PPP2R2C: variants seen among roughly 807,000 people sequenced by gnomAD.
The protein encoded by PPP2R2C is protein phosphatase 2, regulatory subunit B, gamma.
A neutral mutation model predicts 45.3 loss-of-function variants in PPP2R2C; 10 were observed. The observed-to-expected ratio is 0.22, with a 90% CI of 0.14 to 0.37. PPP2R2C has a LOEUF of 0.37. PPP2R2C is among the 10% of genes least tolerant of loss of function. PPP2R2C has a pLI of 1.00. For missense variants in PPP2R2C, 308 were observed against 619.7 expected (o/e 0.50, Z 5.34); for synonymous variants, 257 against 245.4 (o/e 1.05, Z -0.44).
intron 5 of PPP2R2C, among the ~76,000 whole-genome samples, chr4:6,357,697 T>C (rs1713335463): frequency 6.6e-6 from 1 of 152,126 alleles, no homozygotes; most frequent in Non-Finnish European, 1.5e-5. Context: ...CGGTCCCCCA[T>C]CCACAGTACA....
intron 1 of PPP2R2C, among the ~76,000 whole-genome samples, chr4:6,385,374 T>C (rs891097510): frequency 1.3e-5 from 2 of 152,152 alleles, no homozygotes; most frequent in African/African-American, 4.8e-5. Context: ...CTCTCTTGAG[T>C]GCCAGAAATT....
At chr4:6,410,481 T>C (rs1010932866) in intron 1 of PPP2R2C, among the ~76,000 whole-genome samples, 2 of 152,112 alleles carry the variant, frequency 1.3e-5, no homozygotes, top group Admixed American at 6.5e-5. Context: ...TAGTGAGGTC[T>C]GGGATTTCAG....
chr4:6,390,517 T>C (rs1716541044), intron 1 of PPP2R2C, among the ~76,000 whole-genome samples: 1 of 152,114 alleles, frequency 6.6e-6, no homozygotes, highest in Non-Finnish European at 1.5e-5. Flanking sequence ...CCCCTCCCCA[T>C]GTCACCCTCC....
intron 7 of PPP2R2C, among the ~76,000 whole-genome samples, chr4:6,333,329 G>C (rs114455105): frequency 0.015 from 2,246 of 152,342 alleles, 50 homozygotes; most frequent in African/African-American, 0.05. Context: ...CTGGGCCCTG[G>C]ACTGCAGGCC....
chr4:6,387,794 C>T lies in PPP2R2C; in HGVS notation c.71-6700G>A, dbSNP rs140422867. 7.9e-3 allele frequency among the ~76,000 whole-genome samples: 1,073 copies of T among 136,064 alleles called. 6 individuals carry two copies. Among genetic ancestry groups the T allele is most frequent in the Non-Finnish European group, 0.011 (723 of 65,608 alleles). The allele number at this position is 136,064 out of a possible 152,430, so 89.3% of individuals were successfully genotyped here. A position where few individuals can be genotyped will look rare whatever the true frequency, so the allele number is the denominator to read the frequency against. ...TTGCACCATTGCACTCCAGCCTGGG[C>T]GACAACAGTGAAGAAAAAAAAAAAA... On this transcript the variant is annotated intron_variant, in intron 1 of 8. Transcript: ENST00000382599.
chr4:6,405,734 C>A (rs1256758360), intron 1 of PPP2R2C, among the ~76,000 whole-genome samples: 1 of 152,150 alleles, frequency 6.6e-6, no homozygotes, highest in Non-Finnish European at 1.5e-5. Flanking sequence ...ATCACGAAAA[C>A]CTCATTTGCA....
Position 6,324,105 on chromosome 4 carries a change from G to T in PPP2R2C, c.1053-512C>A, listed in dbSNP as rs548462269. ...TGCAGACTTTGGGGCCAGGAGCTAA[G>T]ATCCTTTTTATCCTCTGCCCCAATC... On this transcript the variant is annotated intron_variant, in intron 8 of 8. Coordinates refer to ENST00000382599, the MANE Select transcript of PPP2R2C (RefSeq NM_020416.4). The surrounding 1 kb of genome is among the most constrained non-coding windows in gnomAD (Gnocchi z 4.1). Among the ~76,000 whole-genome samples, 36 of 152,220 alleles carry T rather than the reference G, an allele frequency of 2.4e-4. No individual in the cohort carries two copies. The highest frequency in any genetic ancestry group is 8.7e-4 in the African/African-American group (36 of 41,528).
At chr4:6,387,291 C>G in intron 1 of PPP2R2C, among the ~76,000 whole-genome samples, 1 of 151,966 alleles carries the variant, frequency 6.6e-6, no homozygotes, top group East Asian at 1.9e-4. Flanking sequence ...AAAATTATAC[C>G]CAGGTACATC....
rs565246984 is a variant in PPP2R2C at position 6,524,108 on chromosome 4, G to A, written c.49+11163C>T. Among the ~76,000 whole-genome samples, 494 of 151,658 alleles carry A rather than the reference G, an allele frequency of 3.3e-3. 4 individuals are homozygous for A. Among genetic ancestry groups the A allele is most frequent in the South Asian group, 8.6e-3 (41 of 4,774 alleles). On this transcript the variant is annotated intron_variant, in intron 2 of 9. Coordinates refer to the PPP2R2C transcript ENST00000506140. ...TTGTATTTTTTTTTTTTTTAGTAGA[G>A]ACAGGGTTTCACCATGTTGGTCTGG...
rs139738780 is a variant in PPP2R2C at position 6,548,824 on chromosome 4, C to T, written c.-58-13447G>A. Among the ~76,000 whole-genome samples the T allele has an allele frequency of 1.2e-3, 178 of 152,300 alleles. 1 individual carries two copies. The highest frequency in any genetic ancestry group is 3.9e-3 in the South Asian group (19 of 4,826). On this transcript the variant is annotated intron_variant, in intron 1 of 9. Transcript: ENST00000506140. ...ATGCCAAAATCCAGAGGCAGTCAAG[C>T]GACTGCCTGCCCTGAGGCTGGACAG...
intron 2 of PPP2R2C, among the ~76,000 whole-genome samples, chr4:6,511,915 ATGGTGGTGGTGATGGTGGTGTTGGTGT>A (rs1723577269): frequency 6.2e-4 from 1 of 1,606 alleles, no homozygotes. Context: ...GGTGGTGGTG[ATGGTGGTGGTGATGGTGGTGTTGGTGT>A]TGGTGGTGGT....
chr4:6,478,339 A>G (rs2108776573), intron 2 of PPP2R2C, among the ~76,000 whole-genome samples: 1 of 152,346 alleles, frequency 6.6e-6, no homozygotes, highest in Non-Finnish European at 1.5e-5. Flanking sequence ...TATTAGGTGT[A>G]GTCATGAGAC....
At chr4:6,351,135 T>C in intron 5 of PPP2R2C, 3 of 650,964 alleles carry the variant, frequency 4.6e-6, no homozygotes, top group Non-Finnish European at 5.7e-6. Flanking sequence ...CAAAACCCCG[T>C]CTCTACTAAA....
intron 2 of PPP2R2C, among the ~76,000 whole-genome samples, chr4:6,496,898 T>TAAATAAATAA (rs1384598020): frequency 6.6e-6 from 1 of 151,162 alleles, no homozygotes; most frequent in Non-Finnish European, 1.5e-5. Context: ...AATAAATAAA[T>TAAATAAATAA]AAAGTCTGTG....
intron 1 of PPP2R2C, among the ~76,000 whole-genome samples, chr4:6,429,601 G>A (rs890543642): frequency 6.6e-6 from 1 of 152,144 alleles, no homozygotes; most frequent in Admixed American, 6.5e-5. Flanking sequence ...CCTGCTGCTG[G>A]GTTAAGCAGC....
intron 2 of PPP2R2C, among the ~76,000 whole-genome samples, chr4:6,493,863 C>A (rs1361859966): frequency 6.6e-6 from 1 of 152,184 alleles, no homozygotes; most frequent in Non-Finnish European, 1.5e-5. Context: ...ATCACACAGC[C>A]TCGGTGTATT....
intron 1 of PPP2R2C, among the ~76,000 whole-genome samples, chr4:6,446,329 G>A (rs113842871): frequency 0.014 from 2,099 of 152,078 alleles, 47 homozygotes; most frequent in African/African-American, 0.048. Flanking sequence ...GGAGAGCATC[G>A]GACGTTTTCC....
At chr4:6,418,735 A>T (rs1241808676) in intron 1 of PPP2R2C, among the ~76,000 whole-genome samples, 7 of 152,346 alleles carry the variant, frequency 4.6e-5, no homozygotes, top group African/African-American at 1.7e-4. Flanking sequence ...GCTAGGATGG[A>T]GGGAAGCATA....
rs192557914 is a variant in PPP2R2C, at chr4:6,377,782, G to A, written c.334+625C>T. The stretch of plus-strand genomic sequence containing the variant: ...TGAGTGGGGGACCCAGGCCCATGGT[G>A]AGCCAAGCAGGACAGCCCCAGCCAC... On this transcript the variant is annotated intron_variant, in intron 3 of 8. Coordinates refer to ENST00000382599, the MANE Select transcript of PPP2R2C (RefSeq NM_020416.4). Among the ~76,000 whole-genome samples, 265 of 152,272 alleles carry A rather than the reference G, an allele frequency of 1.7e-3. 2 individuals carry two copies. The highest frequency in any genetic ancestry group is 6.1e-3 in the African/African-American group (252 of 41,550).
Sources: allele counts gnomAD v4.1 joint callset (sites outside exome capture counted in the v4.1 genomes callset), GRCh38; gene constraint gnomAD v4.1.1; non-coding constraint Gnocchi (gnomAD v3.1); transcripts MANE v1.5; gene names NCBI Gene and HGNC (gene_info 2026-07-23, HGNC 2026-07-21).